ST18: variants seen among roughly 807,000 people sequenced by gnomAD.
ST18 encodes the protein suppression of tumorigenicity 18 protein.
ST18 carries 50 observed loss-of-function variants against 110.0 expected under a neutral mutation model. That is an observed-to-expected ratio of 0.45 (90% CI 0.36 to 0.58). The LOEUF (loss-of-function observed/expected upper bound fraction) is 0.58, where lower values mean the gene tolerates loss of function less well. Ranked by LOEUF, ST18 falls within the 20% of genes least tolerant of loss-of-function variation. ST18 has a pLI of 0.00. For synonymous variants in ST18, 461 were observed against 452.4 expected (o/e 1.02, Z -0.24); for missense variants, 1,306 against 1,280.1 (o/e 1.02, Z -0.31).
intron 2 of ST18, among the ~76,000 whole-genome samples, chr8:52,317,930 G>T (rs1404599753): frequency 6.6e-6 from 1 of 152,138 alleles, no homozygotes; most frequent in African/African-American, 2.4e-5. Flanking sequence ...ATTGGTAATA[G>T]AAGAAAACCT....
rs2073473454 is a variant in ST18 at position 52,189,023 on chromosome 8, A to G, written c.87-8711T>C. On this transcript the variant is annotated intron_variant, in intron 8 of 25. Coordinates refer to ENST00000689386, the MANE Select transcript of ST18 (RefSeq NM_001352837.2). ...TGGACCTTTTGATTGACACACTAAG[A>G]AATATAAAATCCTAAGAGTGCCCTG... Among the ~76,000 whole-genome samples, 3 of 152,154 alleles carry G rather than the reference A, an allele frequency of 2.0e-5. 1 individual carries two copies. In the South Asian group the frequency reaches 6.2e-4, roughly 32 times the overall value.
intron 2 of ST18, among the ~76,000 whole-genome samples, chr8:52,383,473 G>T (rs569015994): frequency 7.4e-4 from 113 of 152,014 alleles, no homozygotes; most frequent in African/African-American, 2.6e-3. Context: ...TTTTCAGATG[G>T]AGTCTTGCTC....
intron 16 of ST18, among the ~76,000 whole-genome samples, chr8:52,146,671 G>T (rs1266092079): frequency 6.6e-6 from 1 of 152,112 alleles, no homozygotes; most frequent in Non-Finnish European, 1.5e-5. Flanking sequence ...CCCTCTGATA[G>T]CTTGTCAATG....
At chr8:52,304,288 C>A (rs1589754153) in intron 2 of ST18, among the ~76,000 whole-genome samples, 1 of 152,160 alleles carries the variant, frequency 6.6e-6, no homozygotes, top group Middle Eastern at 3.4e-3. Flanking sequence ...GGAAGTATTT[C>A]TTAATAGAGT....
intron 2 of ST18, among the ~76,000 whole-genome samples, chr8:52,395,271 C>T (rs984579245): frequency 3.9e-5 from 6 of 152,282 alleles, no homozygotes; most frequent in South Asian, 2.1e-4. Flanking sequence ...CTGCTTTGTT[C>T]ATTGAGCATA....
In ST18 at chr8:52,149,835, A is replaced by G. The variant is rs143580028; in HGVS notation, c.1949T>C (p.Ile650Thr). 3.5e-4 allele frequency: 568 copies of G among 1,614,176 alleles called. 5 individuals carry two copies. In the East Asian group the frequency reaches 0.01, roughly 29 times the overall value. Residue 650 changes from isoleucine to threonine, a missense_variant, in exon 16 of 26, where the codon ATT becomes ACT. Transcript: ENST00000689386. ...CTGATAGAATGCTGCATTGACCAGA[A>G]TGCTGCTTGTTTTGAATGGGGAAGA... ...PSSSPFKTSS[I>T]LVNAAFYQAL...
intron 5 of ST18, among the ~76,000 whole-genome samples, chr8:52,219,100 T>C (rs943350957): frequency 7.9e-5 from 12 of 152,210 alleles, no homozygotes; most frequent in African/African-American, 1.4e-4. Flanking sequence ...GAATCTTACA[T>C]TGAGTGCCCT....
At chr8:52,354,737 T>A (rs1364782409) in intron 2 of ST18, among the ~76,000 whole-genome samples, 1 of 152,106 alleles carries the variant, frequency 6.6e-6, no homozygotes, top group Non-Finnish European at 1.5e-5. Flanking sequence ...CAAGAGAGTG[T>A]GGTGTCCCTG....
At chr8:52,334,998 TATAGTA>T (rs1258087246) in intron 2 of ST18, among the ~76,000 whole-genome samples, 1 of 152,168 alleles carries the variant, frequency 6.6e-6, no homozygotes, top group Non-Finnish European at 1.5e-5. Context: ...ATAACAAAAT[TATAGTA>T]TGTGAAAGAG....
Position 52,379,881 on chromosome 8 carries a change from C to G in ST18, c.-465+29447G>C, listed in dbSNP as rs568536514. 3.3e-4 allele frequency among the ~76,000 whole-genome samples: 50 copies of G among 152,316 alleles called. No homozygotes were observed. The South Asian group carries it at 9.3e-3, about 28-fold the overall frequency. The stretch of plus-strand genomic sequence containing the variant: ...ACTGTAATAATTTTGTAGCCACCTC[C>G]TGTTGTGATTGTGGTGAGCCCAAGT... On this transcript the variant is annotated intron_variant, in intron 2 of 25. Coordinates refer to ENST00000689386, the MANE Select transcript of ST18 (RefSeq NM_001352837.2).
At position 52,129,614 on chromosome 8, in the gene ST18, T is replaced by C. The variant is rs566348068; in HGVS notation, c.2666+2344A>G. 5.9e-5 allele frequency among the ~76,000 whole-genome samples: 9 copies of C among 152,238 alleles called. No individual in the cohort carries two copies. The South Asian group carries it at 1.7e-3, about 28-fold the overall frequency. ...TCTACACATAGAAAAGAAAGAGTAT[T>C]CCACCTTAAAGAGGATACCCCAAAT... On this transcript the variant is annotated intron_variant, in intron 22 of 25. Transcript: ENST00000689386.
At chr8:52,295,062 C>T (rs903239038) in intron 2 of ST18, among the ~76,000 whole-genome samples, 13 of 152,216 alleles carry the variant, frequency 8.5e-5, no homozygotes, top group African/African-American at 3.1e-4. Flanking sequence ...CTCTAAGGAG[C>T]CTGCCAGGCA....
chr8:52,210,677 T>A (rs1001654877), intron 8 of ST18, among the ~76,000 whole-genome samples: 1 of 151,804 alleles, frequency 6.6e-6, no homozygotes, highest in African/African-American at 2.4e-5. Flanking sequence ...CTCAAAAAAA[T>A]AAATAAATAA....
intron 15 of ST18, among the ~76,000 whole-genome samples, chr8:52,152,742 T>C (rs2059133096): frequency 6.6e-6 from 1 of 152,252 alleles, no homozygotes; most frequent in Non-Finnish European, 1.5e-5. Flanking sequence ...ATGTAAATTA[T>C]AATTAAACTG....
At chr8:52,118,553 T>TAAAAAC in intron 23 of ST18, 112 bp from the exon 24 acceptor site, 1 of 593,772 alleles carries the variant, frequency 1.7e-6, no homozygotes, top group Non-Finnish European at 2.8e-6. Context: ...TTAGTGTTTT[T>TAAAAAC]ACCAAAACAA....
chr8:52,213,147 A>C (rs908062973), intron 7 of ST18, among the ~76,000 whole-genome samples: 2 of 152,198 alleles, frequency 1.3e-5, no homozygotes, highest in African/African-American at 4.8e-5. Flanking sequence ...ATACAGTATA[A>C]AATTTCTGTT....
At chr8:52,304,617 G>A (rs1211705272) in intron 2 of ST18, among the ~76,000 whole-genome samples, 2 of 152,150 alleles carry the variant, frequency 1.3e-5, no homozygotes, top group African/African-American at 4.8e-5. Flanking sequence ...TTTCCATATT[G>A]TTGGATTTAG....
intron 18 of ST18, 144 bp downstream of exon 18, chr8:52,137,277 T>A: frequency 1.2e-6 from 1 of 803,080 alleles, no homozygotes; most frequent in Non-Finnish European, 1.9e-6. Flanking sequence ...ATCACATAAT[T>A]TTATTTCTGA....
chr8:52,165,971 G>T (rs900039177), intron 11 of ST18, among the ~76,000 whole-genome samples: 1 of 152,244 alleles, frequency 6.6e-6, no homozygotes, highest in African/African-American at 2.4e-5. Flanking sequence ...CAGCGGGGCT[G>T]AGGGTGGAGA....
Sources: allele counts gnomAD v4.1 joint callset (sites outside exome capture counted in the v4.1 genomes callset), GRCh38; gene constraint gnomAD v4.1.1; transcripts MANE v1.5; gene names NCBI Gene and HGNC (gene_info 2026-07-23, HGNC 2026-07-21).